LTN1: variants seen among roughly 807,000 people sequenced by gnomAD.
The protein encoded by LTN1 is E3 ubiquitin-protein ligase listerin.
Under a neutral mutation model 201.2 loss-of-function variants are expected in LTN1, and 88 were observed. The observed-to-expected ratio is 0.44, with a 90% CI of 0.37 to 0.52. The LOEUF (loss-of-function observed/expected upper bound fraction) is 0.52. Ranked by LOEUF, LTN1 falls within the 20% of genes least tolerant of loss-of-function variation. LTN1 has a pLI of 0.00. For synonymous variants in LTN1, 645 were observed against 713.5 expected (o/e 0.90, Z 1.53); for missense variants, 1,752 against 2,038.7 (o/e 0.86, Z 2.71).
chr21:28,960,011 T>C, intron 12 of LTN1: 1 of 238,316 alleles, frequency 4.2e-6, no homozygotes, highest in Admixed American at 5.1e-5. Flanking sequence ...ACTAAAAATA[T>C]TAAATATCTT....
At chr21:28,955,500 C>T (rs1172230831) in intron 16 of LTN1, among the ~76,000 whole-genome samples, 1 of 152,108 alleles carries the variant, frequency 6.6e-6, no homozygotes, top group Non-Finnish European at 1.5e-5. Flanking sequence ...AAAGGTATAT[C>T]TGCACCCCTA....
At chr21:28,958,239 C>A in intron 14 of LTN1, 147 bp downstream of exon 14, 2 of 669,768 alleles carry the variant, frequency 3.0e-6, no homozygotes, top group Non-Finnish European at 4.9e-6. Context: ...AACTGATCCT[C>A]CCACCTCAGC....
chr21:28,986,938 A>G lies in LTN1; in HGVS notation c.43-4T>C, dbSNP rs746913973. On this transcript the variant is annotated splice_region_variant and splice_polypyrimidine_tract_variant and intron_variant, in intron 1 of 29. Transcript: ENST00000361371. The surrounding 1 kb of genome is among the most constrained non-coding windows in gnomAD (Gnocchi z 4.1). ...CAGCTCGGCCACTGTTTGAAGGCTGATAAGAAAATTACGGAGAAAAAAGTC... is the reference window on the plus strand; with the variant it reads ...CAGCTCGGCCACTGTTTGAAGGCTGGTAAGAAAATTACGGAGAAAAAAGTC... 4 of 1,610,642 alleles carry G rather than the reference A, an allele frequency of 2.5e-6. No homozygotes were observed. The highest frequency in any genetic ancestry group is 1.3e-5 in the African/African-American group (1 of 74,884).
At position 28,933,770 on chromosome 21, in the gene LTN1, G is replaced by A. The variant is rs546524725; in HGVS notation, c.4876-1106C>T. ...CGGCTCACCACAACCTCCGCCTCCC[G>A]GGTTCAAAAAATTCTCCTACCTCAG... On this transcript the variant is annotated intron_variant, in intron 27 of 29. Transcript: ENST00000361371. Among the ~76,000 whole-genome samples, 14 of 150,412 alleles carry A rather than the reference G, an allele frequency of 9.3e-5. 1 individual carries two copies. The highest frequency in any genetic ancestry group is 4.2e-4 in the South Asian group (2 of 4,756).
chr21:28,955,513 T>C (rs1022122483), intron 16 of LTN1, among the ~76,000 whole-genome samples: 3 of 152,134 alleles, frequency 2.0e-5, no homozygotes, highest in African/African-American at 7.2e-5. Context: ...CACCCCTATA[T>C]TTGCTGCAGC....
At chr21:28,950,882 A>C (rs981356957) in intron 18 of LTN1, among the ~76,000 whole-genome samples, 7 of 152,156 alleles carry the variant, frequency 4.6e-5, no homozygotes, top group African/African-American at 1.7e-4. Context: ...TGGTTGCTAG[A>C]GATTAGGACA....
chr21:28,948,987 T>A (rs891780308), intron 18 of LTN1, among the ~76,000 whole-genome samples: 8 of 152,364 alleles, frequency 5.3e-5, no homozygotes, highest in African/African-American at 1.9e-4. Context: ...AATCAACTTA[T>A]ACTTTCACCA....
At chr21:28,966,274 G>A in intron 10 of LTN1, 96 bp downstream of exon 10, 1 of 1,024,694 alleles carries the variant, frequency 9.8e-7, no homozygotes, top group Non-Finnish European at 1.4e-6. Flanking sequence ...TCCTAAAATT[G>A]ACACTCACAG....
intron 18 of LTN1, among the ~76,000 whole-genome samples, chr21:28,951,913 T>C (rs1035211854): frequency 6.6e-6 from 1 of 152,076 alleles, no homozygotes; most frequent in Non-Finnish European, 1.5e-5. Context: ...GAGGGTACAG[T>C]GAGCCATGTT....
intron 3 of LTN1, among the ~76,000 whole-genome samples, chr21:28,985,625 C>T (rs977704120): frequency 6.6e-6 from 1 of 151,658 alleles, no homozygotes; most frequent in African/African-American, 2.4e-5. Flanking sequence ...AACAGACTTC[C>T]TAAATGTTCT....
At chr21:28,960,400 G>T in intron 12 of LTN1, 117 bp downstream of exon 12, 20 of 652,072 alleles carry the variant, frequency 3.1e-5, no homozygotes, top group Non-Finnish European at 3.8e-5. Flanking sequence ...AAAAAAATTT[G>T]AATGAGTAAG....
chr21:28,938,303 TAAAGCATCA>T (rs1299398216), intron 25 of LTN1, among the ~76,000 whole-genome samples: 1 of 152,170 alleles, frequency 6.6e-6, no homozygotes, highest in Non-Finnish European at 1.5e-5. Context: ...ATACTTTTGG[TAAAGCATCA>T]AAATATCTGC....
intron 4 of LTN1, among the ~76,000 whole-genome samples, chr21:28,983,035 T>G (rs1030559703): frequency 3.3e-5 from 5 of 152,130 alleles, no homozygotes; most frequent in African/African-American, 9.7e-5. Flanking sequence ...GATGGCAGAG[T>G]GGGACTAGAA....
intron 1 of LTN1, among the ~76,000 whole-genome samples, chr21:28,991,375 A>G (rs937873333): frequency 3.9e-5 from 6 of 152,218 alleles, no homozygotes; most frequent in African/African-American, 1.4e-4. Flanking sequence ...TTACAGTATT[A>G]TACAAAAGTC....
At chr21:28,954,556 A>T (rs1184704950) in intron 16 of LTN1, among the ~76,000 whole-genome samples, 1 of 152,252 alleles carries the variant, frequency 6.6e-6, no homozygotes, top group Non-Finnish European at 1.5e-5. Flanking sequence ...GAATCAAAAC[A>T]GCATGGTATT....
At chr21:28,958,746 A>T (rs2084448448) in intron 13 of LTN1, among the ~76,000 whole-genome samples, 1 of 152,228 alleles carries the variant, frequency 6.6e-6, no homozygotes, top group African/African-American at 2.4e-5. Context: ...GTATCATATA[A>T]ATGTAAAATG....
chr21:28,931,080 T>C, intron 29 of LTN1, 75 bp downstream of exon 29: 1 of 850,738 alleles, frequency 1.2e-6, no homozygotes, highest in Non-Finnish European at 1.9e-6. Flanking sequence ...TGTGTGTGTG[T>C]GTGTGTGTGT....
chr21:28,986,445 C>CA lies in LTN1; in HGVS notation c.247-209dup, dbSNP rs1336294815. On this transcript the variant is annotated intron_variant, in intron 2 of 29. Transcript: ENST00000361371. This position sits in a 1 kb window ranked among gnomAD's most constrained non-coding sequence, Gnocchi z 4.1. ...TTTTTAAAAATAAAACATCTACAAA[C>CA]AAAAAAACCTCATTTAAAGTTACAA... 8 of 677,750 alleles carry CA rather than the reference C, an allele frequency of 1.2e-5. No homozygotes were observed. The highest frequency in any genetic ancestry group is 4.8e-5 in the South Asian group (3 of 62,924). 42.0% of individuals were successfully genotyped at this position (677,750 alleles called of 1,614,324 possible). A position where few individuals can be genotyped will look rare whatever the true frequency, so the allele number is the denominator to read the frequency against.
rs1476045364 is a variant in LTN1, at chr21:28,984,882, A to G, written c.386T>C (p.Phe129Ser). Reference sequence around the variant, plus strand: ...CTTTACTTTAAGGATAAGTTTTTCAAAAGCTTGTTGTGTGGCTTCTCGGAC... The same window carrying G: ...CTTTACTTTAAGGATAAGTTTTTCAGAAGCTTGTTGTGTGGCTTCTCGGAC... ...RRVREATQQA[F>S]EKLILKVKKQ... Residue 129 changes from phenylalanine to serine, a missense_variant, in exon 4 of 30, where the codon TTT becomes TCT. Around this residue, in one of 3 missense-constraint regions of LTN1, gnomAD observed 280 missense variants for 375.7 expected, o/e 0.75. Coordinates refer to ENST00000361371, the MANE Select transcript of LTN1 (RefSeq NM_015565.3). The G allele has an allele frequency of 6.2e-7, 1 of 1,614,074 alleles. No homozygotes were observed. The highest frequency in any genetic ancestry group is 8.5e-7 in the Non-Finnish European group (1 of 1,179,976).
Sources: gnomAD v4.1 joint callset for allele counts (sites outside exome capture counted in the v4.1 genomes callset) on GRCh38, gnomAD v4.1.1 for gene constraint, gnomAD v4.1.1 regional missense constraint, Gnocchi (gnomAD v3.1) non-coding constraint, MANE v1.5 for transcripts, NCBI Gene and HGNC (gene_info 2026-07-23, HGNC 2026-07-21) for gene names.